KNTC1: variants seen among roughly 807,000 people sequenced by gnomAD.
KNTC1 encodes the protein kinetochore-associated protein 1.
Under a neutral mutation model 314.4 loss-of-function variants are expected in KNTC1, and 253 were observed. The observed-to-expected ratio is 0.80, with a 90% CI of 0.73 to 0.89. The LOEUF is 0.89. Among genes scored for constraint, KNTC1 ranks in the 40% least tolerant of loss-of-function variants. The probability of loss-of-function intolerance (pLI) is 0.00; values close to 1 mark genes in which losing one functional copy is unlikely to be tolerated. For missense variants in KNTC1, 2,475 were observed against 2,572.9 expected (o/e 0.96, Z 0.82); for synonymous variants, 901 against 901.4 (o/e 1.00, Z 0.01).
chr12:122,577,835 T>A (rs1565977587), intron 31 of KNTC1, 44 bp downstream of exon 31: 1 of 1,546,448 alleles, frequency 6.5e-7, no homozygotes, highest in East Asian at 2.3e-5. Context: ...CCAATTTTTA[T>A]GGCTATTAAT....
At chr12:122,593,007 T>G (rs1870502458) in intron 42 of KNTC1, 1 of 152,654 alleles carries the variant, frequency 6.6e-6, no homozygotes, top group Non-Finnish European at 1.4e-5. Context: ...CGCTCTGCCT[T>G]AAGAGCTGTA....
chr12:122,599,326 T>C (rs1182057629), intron 44 of KNTC1, among the ~76,000 whole-genome samples: 1 of 151,510 alleles, frequency 6.6e-6, no homozygotes, highest in Non-Finnish European at 1.5e-5. Context: ...CAGGGGGTAG[T>C]TTAATGGAGA....
intron 55 of KNTC1, 56 bp from the exon 56 acceptor site, chr12:122,614,935 G>A: frequency 8.0e-7 from 1 of 1,257,240 alleles, no homozygotes; most frequent in East Asian, 2.4e-5. Context: ...TTCCAAAGAT[G>A]GCTTGATTTA....
At chr12:122,604,789 G>A in intron 49 of KNTC1, 88 bp from the exon 50 acceptor site, 1 of 1,324,296 alleles carries the variant, frequency 7.6e-7, no homozygotes, top group Non-Finnish European at 1.1e-6. Context: ...AGGAAGGGGG[G>A]AGGGATTGTG....
chr12:122,557,398 C>A lies in KNTC1; in HGVS notation c.1287C>A (p.Val429=), dbSNP rs761017084. The change falls in exon 17 of 64, where the codon GTC becomes GTA. Residue 429 remains valine, a synonymous_variant. Transcript: ENST00000333479. Reference sequence around the variant, plus strand: ...TTATATTACAGCTTGTTTACAAGGTCAAGTCAAATCATATATTGGAGAAAC... The same window carrying A: ...TTATATTACAGCTTGTTTACAAGGTAAAGTCAAATCATATATTGGAGAAAC... ...FGLDVELVYK[V]KSNHILEKLA... is the part of the protein sequence containing the mutation. 5 of 1,612,552 alleles carry A rather than the reference C, an allele frequency of 3.1e-6. No individual in the cohort carries two copies. Among genetic ancestry groups the A allele is most frequent in the South Asian group, 1.1e-5 (1 of 90,776 alleles).
chr12:122,611,798 T>C (rs921979005), intron 53 of KNTC1: 1 of 152,218 alleles, frequency 6.6e-6, no homozygotes, highest in African/African-American at 2.4e-5. Context: ...TCCTCCTATA[T>C]ACCTTAAATC....
intron 13 of KNTC1, among the ~76,000 whole-genome samples, chr12:122,550,258 T>G (rs1470105920): frequency 6.6e-6 from 1 of 152,158 alleles, no homozygotes; most frequent in Non-Finnish European, 1.5e-5. Context: ...GTTTTCCACA[T>G]TTTGGAAATT....
In KNTC1 at chr12:122,546,191, G is replaced by T; in HGVS notation, c.685G>T (p.Ala229Ser). 6.2e-7 allele frequency: 1 copy of T among 1,606,668 alleles called. No homozygotes were observed. Among genetic ancestry groups the T allele is most frequent in the Non-Finnish European group, 8.5e-7 (1 of 1,173,532 alleles). Reference sequence around the variant, plus strand: ...ATTTTTCCAGGGAACCGGTAATTGTGCATTCTCAAAATGGGAACCAGATTC... The same window carrying T: ...ATTTTTCCAGGGAACCGGTAATTGTTCATTCTCAAAATGGGAACCAGATTC... Reference protein sequence around the residue: ...PVIIGGTGNCAFSKWEPDSSK... With the variant: ...PVIIGGTGNCSFSKWEPDSSK... Residue 229 changes from alanine (A) to serine (S), a missense_variant, in exon 9 of 64, where the codon GCA becomes TCA. Coordinates refer to ENST00000333479, the MANE Select transcript of KNTC1 (RefSeq NM_014708.6).
chr12:122,578,254 T>G (rs1965161950), intron 31 of KNTC1, among the ~76,000 whole-genome samples: 1 of 152,050 alleles, frequency 6.6e-6, no homozygotes, highest in African/African-American at 2.4e-5. Context: ...TCTTACTGAT[T>G]TTTAATTTTT....
intron 3 of KNTC1, among the ~76,000 whole-genome samples, chr12:122,535,889 G>GTT (rs1190271040): frequency 2.6e-4 from 35 of 133,514 alleles, no homozygotes; most frequent in Admixed American, 5.3e-4. Context: ...TATTATGAAA[G>GTT]TTTTTTTTTT....
chr12:122,595,005 A>C (rs1200829007), intron 43 of KNTC1, among the ~76,000 whole-genome samples: 1 of 152,112 alleles, frequency 6.6e-6, no homozygotes, highest in East Asian at 1.9e-4. Flanking sequence ...CCTCCCAAGT[A>C]GCTGGAATTA....
intron 20 of KNTC1, among the ~76,000 whole-genome samples, chr12:122,566,438 C>T (rs1175531329): frequency 6.7e-6 from 1 of 150,096 alleles, no homozygotes; most frequent in African/African-American, 2.5e-5. Flanking sequence ...AATACGGACT[C>T]TCACTTTGTT....
chr12:122,575,801 G>A lies in KNTC1; in HGVS notation c.2488G>A (p.Val830Ile). Residue 830 changes from valine (V) to isoleucine (I), a missense_variant and splice_region_variant, in exon 29 of 64, where the codon GTC becomes ATC. Physicochemically the swap from Val to Ile is conservative, Grantham distance 29 (BLOSUM62 3). Coordinates refer to ENST00000333479, the MANE Select transcript of KNTC1 (RefSeq NM_014708.6). ...KQHLEMDHPK[V>I]KLLQESYKLM... ...TAATATGGGTAAATTTGCTTTCAGA[G>A]TCAAGTTATTACAGGAAAGTTACAA... 1 of 1,611,896 alleles carries A rather than the reference G, an allele frequency of 6.2e-7. No individual in the cohort carries two copies. Among genetic ancestry groups the A allele is most frequent in the Non-Finnish European group, 8.5e-7 (1 of 1,178,754 alleles).
intron 29 of KNTC1, 22 bp downstream of exon 29, chr12:122,575,921 TC>T (rs1964987042): frequency 6.4e-7 from 1 of 1,566,338 alleles, no homozygotes; most frequent in African/African-American, 1.5e-5. Flanking sequence ...CTTCGAAGAG[TC>T]TTTTTTCTCT....
chr12:122,530,747 G>A (rs1041214566), intron 2 of KNTC1, among the ~76,000 whole-genome samples: 1 of 151,960 alleles, frequency 6.6e-6, no homozygotes, highest in Non-Finnish European at 1.5e-5. Flanking sequence ...CATCACTCCC[G>A]GCATACAAAG....
intron 16 of KNTC1, among the ~76,000 whole-genome samples, chr12:122,556,743 G>A (rs1333260408): frequency 6.6e-6 from 1 of 151,562 alleles, no homozygotes; most frequent in Non-Finnish European, 1.5e-5. Context: ...GATTACAGGC[G>A]TGAGCCACCG....
intron 43 of KNTC1, chr12:122,597,482 C>T (rs540304463): frequency 2.2e-4 from 91 of 413,642 alleles, no homozygotes; most frequent in African/African-American, 1.7e-3. Context: ...CTCCTGACCT[C>T]GTGATCTGTT....
Position 122,544,271 on chromosome 12 carries a change from T to G in KNTC1, c.669+2T>G, listed in dbSNP as rs1593501182. 6.8e-7 allele frequency: 1 copy of G among 1,462,006 alleles called. No individual in the cohort carries two copies. Among genetic ancestry groups the G allele is most frequent in the Non-Finnish European group, 9.3e-7 (1 of 1,073,666 alleles). 90.6% of individuals were successfully genotyped at this position (1,462,006 alleles called of 1,614,324 possible). A position where few individuals can be genotyped will look rare whatever the true frequency, so the allele number is the denominator to read the frequency against. The stretch of plus-strand genomic sequence containing the variant: ...AGTGAAGTTCCTGTGATAATTGGGG[T>G]AATTGTTTTTATAAAGTTTTGTTTT... On this transcript the variant is annotated splice_donor_variant, in intron 8 of 63. Coordinates refer to ENST00000333479, the MANE Select transcript of KNTC1 (RefSeq NM_014708.6). LOFTEE classifies it high-confidence loss of function.
At chr12:122,553,340 A>G (rs1453980202) in intron 16 of KNTC1, among the ~76,000 whole-genome samples, 1 of 152,014 alleles carries the variant, frequency 6.6e-6, no homozygotes, top group African/African-American at 2.4e-5. Flanking sequence ...GGGATAAAAG[A>G]TGAAAAGTTC....
Sources: gnomAD v4.1 joint callset for allele counts (sites outside exome capture counted in the v4.1 genomes callset) on GRCh38, gnomAD v4.1.1 for gene constraint, MANE v1.5 for transcripts, NCBI Gene and HGNC (gene_info 2026-07-23, HGNC 2026-07-21) for gene names.